Variants in WASHC5 observed in about 807,000 individuals in gnomAD.
WASHC5 encodes the protein WASH complex subunit strumpellin.
WASHC5 carries 101 observed loss-of-function variants against 150.4 expected under a neutral mutation model. The ratio of observed to expected loss-of-function variants is 0.67; its 90% CI spans 0.57 to 0.79. The LOEUF is 0.79. WASHC5 is among the 30% of genes least tolerant of loss of function. The pLI is 0.00. For missense variants in WASHC5, 1,195 were observed against 1,396.3 expected (o/e 0.86, Z 2.30); for synonymous variants, 467 against 491.2 (o/e 0.95, Z 0.65).
Position 125,066,155 on chromosome 8 carries a change from G to A in WASHC5, c.1278+1437C>T, listed in dbSNP as rs555977966. On this transcript the variant is annotated intron_variant, in intron 10 of 28. Coordinates refer to ENST00000318410, the MANE Select transcript of WASHC5 (RefSeq NM_014846.4). ...TCAATAACTATTTGCTATTCAGAGGGAAACCATTAAAATTATTAATAGATC... is the reference window on the plus strand; with the variant it reads ...TCAATAACTATTTGCTATTCAGAGGAAAACCATTAAAATTATTAATAGATC... Among the ~76,000 whole-genome samples the A allele has an allele frequency of 2.0e-5, 3 of 152,228 alleles. No individual in the cohort carries two copies. The South Asian group carries it at 6.2e-4, about 32-fold the overall frequency.
In WASHC5 at chr8:125,024,795, G is replaced by A. The variant is rs1055137518; in HGVS notation, c.3424-122C>T. On this transcript the variant is annotated intron_variant, in intron 28 of 28. Coordinates refer to ENST00000318410, the MANE Select transcript of WASHC5 (RefSeq NM_014846.4). ...ATAATAGAAGAGGAGACTCCCATGG[G>A]CGGACGACTCCTTGAAACAGCCCCT... 1.5e-4 allele frequency: 102 copies of A among 702,608 alleles called. No homozygotes were observed. The African/African-American group carries it at 1.7e-3, about 12-fold the overall frequency. 43.5% of individuals were successfully genotyped at this position (702,608 alleles called of 1,614,324 possible). A position where few individuals can be genotyped will look rare whatever the true frequency, so the allele number is the denominator to read the frequency against.
At chr8:125,029,357 T>A (rs192731013) in intron 27 of WASHC5, among the ~76,000 whole-genome samples, 1 of 152,312 alleles carries the variant, frequency 6.6e-6, no homozygotes, top group Non-Finnish European at 1.5e-5. Flanking sequence ...AAAGTAAACT[T>A]CTAGACATTG....
chr8:125,065,912 C>T (rs570044040), intron 10 of WASHC5, among the ~76,000 whole-genome samples: 5 of 152,118 alleles, frequency 3.3e-5, no homozygotes, highest in Admixed American at 1.3e-4. Flanking sequence ...CCACTGCACT[C>T]GACTGGGCAT....
intron 10 of WASHC5, among the ~76,000 whole-genome samples, chr8:125,065,028 C>T (rs908725269): frequency 3.3e-5 from 5 of 152,176 alleles, no homozygotes; most frequent in Non-Finnish European, 7.3e-5. Flanking sequence ...CACCCTGAAG[C>T]CTTCGTAAGA....
chr8:125,088,889 C>T (rs945287795), intron 1 of WASHC5, among the ~76,000 whole-genome samples: 1 of 151,976 alleles, frequency 6.6e-6, no homozygotes, highest in African/African-American at 2.4e-5. Context: ...AGTGCAAAGG[C>T]CCCAGGGCAG....
At chr8:125,053,262 G>A (rs1421446661) in intron 17 of WASHC5, among the ~76,000 whole-genome samples, 1 of 152,048 alleles carries the variant, frequency 6.6e-6, no homozygotes. Context: ...GAGGGCCACA[G>A]GATTACTTTT....
intron 28 of WASHC5, 139 bp downstream of exon 28, chr8:125,028,480 TG>T (rs1815434135): frequency 3.1e-6 from 2 of 654,656 alleles, no homozygotes; most frequent in Non-Finnish European, 5.6e-6. Context: ...ATTTCAGAGC[TG>T]GGGGTAGAGC....
chr8:125,039,105 C>A (rs1248735641), intron 24 of WASHC5, 146 bp from the exon 25 acceptor site: 8 of 922,902 alleles, frequency 8.7e-6, no homozygotes, highest in Middle Eastern at 6.6e-4. Context: ...CTCAACCATG[C>A]CTGTGATTGG....
At chr8:125,069,476 T>C (rs568419347) in intron 9 of WASHC5, among the ~76,000 whole-genome samples, 1 of 152,250 alleles carries the variant, frequency 6.6e-6, no homozygotes, top group Non-Finnish European at 1.5e-5. Context: ...TAGTATTACA[T>C]GTGCCCCCTC....
intron 17 of WASHC5, among the ~76,000 whole-genome samples, chr8:125,052,425 A>G (rs1816265801): frequency 6.6e-6 from 1 of 152,186 alleles, no homozygotes; most frequent in African/African-American, 2.4e-5. Flanking sequence ...AACTGTTTTC[A>G]TATGGATCAT....
intron 10 of WASHC5, among the ~76,000 whole-genome samples, chr8:125,067,340 T>C (rs1816771898): frequency 6.6e-6 from 1 of 152,134 alleles, no homozygotes; most frequent in Non-Finnish European, 1.5e-5. Flanking sequence ...TTGATTAATG[T>C]CTATATTCCC....
At chr8:125,081,843 G>A in intron 4 of WASHC5, 82 bp from the exon 5 acceptor site, 1 of 855,446 alleles carries the variant, frequency 1.2e-6, no homozygotes, top group Non-Finnish European at 2.0e-6. Context: ...GAAAAATATT[G>A]CTTTGCTCAC....
intron 23 of WASHC5, 83 bp downstream of exon 23, chr8:125,043,741 CT>C: frequency 4.3e-6 from 4 of 930,084 alleles, no homozygotes; most frequent in Non-Finnish European, 5.2e-6. Flanking sequence ...AGAAGAGTAG[CT>C]TTTTTTGGGC....
intron 7 of WASHC5, among the ~76,000 whole-genome samples, chr8:125,076,116 TGA>T (rs1158144960): frequency 2.0e-5 from 3 of 152,224 alleles, no homozygotes; most frequent in Non-Finnish European, 4.4e-5. Flanking sequence ...GATTTAATCT[TGA>T]GAGTATCCAT....
intron 21 of WASHC5, 137 bp downstream of exon 21, chr8:125,044,399 C>A: frequency 1.1e-6 from 1 of 921,786 alleles, no homozygotes. Context: ...CTGATCTACC[C>A]AGTAGGTATC....
rs13255827 is a variant in WASHC5 at position 125,082,309 on chromosome 8, T to C, written c.417+74A>G. The C allele has an allele frequency of 7.0e-6, 6 of 851,940 alleles. 1 individual carries two copies. In the Middle Eastern group the frequency reaches 1.0e-3, roughly 144 times the overall value. The allele number at this position is 851,940 out of a possible 1,614,324, so 52.8% of individuals were successfully genotyped here. On this transcript the variant is annotated intron_variant, in intron 4 of 28. Transcript: ENST00000318410. ...AAGAATGGTATTTCGTATATATTTG[T>C]GACTTAAAAGAAAAAAAAGTGATAC...
Position 125,038,832 on chromosome 8 carries a change from T to A in WASHC5, c.3082A>T (p.Lys1028Ter), listed in dbSNP as rs1815792800. 1 of 1,613,832 alleles carries A rather than the reference T, an allele frequency of 6.2e-7. No homozygotes were observed. The highest frequency in any genetic ancestry group is 1.3e-5 in the African/African-American group (1 of 74,922). Residue 1028 changes from lysine (K) to a stop codon, truncating the protein, a stop_gained and splice_region_variant, in exon 25 of 29, where the codon AAG becomes TAG. Coordinates refer to ENST00000318410, the MANE Select transcript of WASHC5 (RefSeq NM_014846.4). LOFTEE classifies it high-confidence loss of function. Reference protein sequence around the residue: ...EAAGIHNPLNKIYITTKRLPY... With the variant: ...EAAGIHNPLN ...CATTATATATTTTAATTACTCACCT[T>A]ATTCAGTGGGTTGTGAATGCCAGCT...
At chr8:125,045,154 A>G (rs1816024692) in intron 20 of WASHC5, among the ~76,000 whole-genome samples, 1 of 152,240 alleles carries the variant, frequency 6.6e-6, no homozygotes, top group African/African-American at 2.4e-5. Context: ...TGAGACTATG[A>G]CGACAAAGCA....
chr8:125,082,028 A>G lies in WASHC5; in HGVS notation c.418-267T>C, dbSNP rs144873814. On this transcript the variant is annotated intron_variant, in intron 4 of 28. Coordinates refer to ENST00000318410, the MANE Select transcript of WASHC5 (RefSeq NM_014846.4). ...GCTTGGGACACCAAAATAGCAACCC[A>G]ATATTGTGTATACCTCTTCATCATA... Among the ~76,000 whole-genome samples the G allele has an allele frequency of 1.3e-3, 205 of 152,364 alleles. 1 individual carries two copies. Among genetic ancestry groups the G allele is most frequent in the African/African-American group, 4.6e-3 (193 of 41,586 alleles).
Sources: allele counts gnomAD v4.1 joint callset (sites outside exome capture counted in the v4.1 genomes callset), GRCh38; gene constraint gnomAD v4.1.1; transcripts MANE v1.5; gene names NCBI Gene and HGNC (gene_info 2026-07-23, HGNC 2026-07-21).